SPNS1: variants seen among roughly 807,000 people sequenced by gnomAD.
The protein encoded by SPNS1 is protein spinster homolog 1.
A neutral mutation model predicts 50.3 loss-of-function variants in SPNS1; 22 were observed. The ratio of observed to expected loss-of-function variants is 0.44; its 90% CI spans 0.31 to 0.62. SPNS1 has a LOEUF of 0.62. Ranked by LOEUF, SPNS1 falls within the 20% of genes least tolerant of loss-of-function variation. The pLI is 0.07. For synonymous variants in SPNS1, 295 were observed against 317.4 expected (o/e 0.93, Z 0.75); for missense variants, 576 against 728.6 (o/e 0.79, Z 2.41).
intron 3 of SPNS1, 75 bp downstream of exon 3, chr16:28,978,119 A>G: frequency 6.4e-7 from 1 of 1,555,416 alleles, no homozygotes; most frequent in Non-Finnish European, 8.7e-7. Flanking sequence ...CCTTGGAGCT[A>G]TGGCAGACTG....
intron 2 of SPNS1, among the ~76,000 whole-genome samples, 166 bp from the exon 3 acceptor site, chr16:28,977,742 C>A (rs914339022): frequency 6.6e-6 from 1 of 152,138 alleles, no homozygotes; most frequent in Admixed American, 6.5e-5. Flanking sequence ...GGAGCTGGAC[C>A]ATCCGCCTGA....
At chr16:28,978,186 C>T in intron 3 of SPNS1, 142 bp downstream of exon 3, 2 of 1,101,230 alleles carry the variant, frequency 1.8e-6, no homozygotes, top group Non-Finnish European at 2.6e-6. Context: ...CCCTCCTTGC[C>T]TGAGTTAACC....
Position 28,983,400 on chromosome 16 carries a change from C to T in SPNS1, c.1320+110C>T. 4 of 850,128 alleles carry T rather than the reference C, an allele frequency of 4.7e-6. No individual in the cohort carries two copies. Among genetic ancestry groups the T allele is most frequent in the Non-Finnish European group, 7.8e-6 (4 of 511,752 alleles). The allele number at this position is 850,128 out of a possible 1,614,324, so 52.7% of individuals were successfully genotyped here. On this transcript the variant is annotated intron_variant, in intron 10 of 11. Coordinates refer to ENST00000311008, the MANE Select transcript of SPNS1 (RefSeq NM_032038.3). The surrounding 1 kb of genome is among the most constrained non-coding windows in gnomAD (Gnocchi z 5.4). ...TGTGTCCTGCGTGCTGGGCACTTCT[C>T]ACCTTCCATTGTCAACTGGAGGAGA... is the stretch of plus-strand genomic sequence containing the variant.
Position 28,975,505 on chromosome 16 carries a change from C to G in SPNS1, c.255C>G (p.Asp85Glu). Residue 85 changes from aspartate to glutamate, a missense_variant, in exon 2 of 12, where the codon GAC becomes GAG. Asp to Glu is a conservative substitution (Grantham distance 45). Around this residue, in one of 3 missense-constraint regions of SPNS1, gnomAD observed 144 missense variants for 181.2 expected, o/e 0.79. Transcript: ENST00000311008. ...TTTTCTCCTCAGGCGTCCTTCCCGA[C>G]ATCGAGCAGTTCTTCAACATCGGGG... is the stretch of plus-strand genomic sequence containing the variant. Reference protein sequence around the residue: ...DRFTVAGVLPDIEQFFNIGDS... With the variant: ...DRFTVAGVLPEIEQFFNIGDS... The G allele has an allele frequency of 6.2e-7, 1 of 1,614,276 alleles. No individual in the cohort carries two copies. The highest frequency in any genetic ancestry group is 2.2e-5 in the East Asian group (1 of 44,888).
In SPNS1 at chr16:28,984,476, A is replaced by C. The variant is rs773502111; in HGVS notation, c.*177A>C. On this transcript the variant is annotated 3_prime_UTR_variant, in exon 12 of 12. Transcript: ENST00000311008. ...GAGGAGGTGGGGGTCCAGGAGGGGG[A>C]TCCCTCTCCACAGGGGCAGCCCCAA... 8.6e-5 allele frequency: 62 copies of C among 725,108 alleles called. No individual in the cohort carries two copies. The highest frequency in any genetic ancestry group is 1.3e-4 in the Non-Finnish European group (55 of 408,260). 44.9% of individuals were successfully genotyped at this position (725,108 alleles called of 1,614,324 possible).
chr16:28,982,116 C>G, intron 7 of SPNS1, 60 bp downstream of exon 7: 1 of 1,578,456 alleles, frequency 6.3e-7, no homozygotes, highest in Non-Finnish European at 8.6e-7. Flanking sequence ...TGAAGAGCAT[C>G]TGTGGCTCAG....
Position 28,979,150 on chromosome 16 carries a change from C to G in SPNS1, c.445-5C>G, listed in dbSNP as rs769849261. 1 of 1,613,232 alleles carries G rather than the reference C, an allele frequency of 6.2e-7. No homozygotes were observed. Among genetic ancestry groups the G allele is most frequent in the Admixed American group, 1.7e-5 (1 of 59,996 alleles). On this transcript the variant is annotated splice_polypyrimidine_tract_variant and splice_region_variant and intron_variant, in intron 3 of 11. Coordinates refer to ENST00000311008, the MANE Select transcript of SPNS1 (RefSeq NM_032038.3). ...GTGCCACCTCTCCCCGGTCTCTCTC[C>G]CCAGCATTTCTGGCTGCTCCTCCTG...
Position 28,978,763 on chromosome 16 carries a change from G to A in SPNS1, c.445-392G>A, listed in dbSNP as rs116364234. ...GTACTTTCCTTGGGTGACTGTACCCGTCCTTAGCTTCAGGTGCCTTTGGTA... is the reference window on the plus strand; with the variant it reads ...GTACTTTCCTTGGGTGACTGTACCCATCCTTAGCTTCAGGTGCCTTTGGTA... On this transcript the variant is annotated intron_variant, in intron 3 of 11. Transcript: ENST00000311008. The A allele has an allele frequency of 8.8e-3, 1,720 of 195,056 alleles. 36 individuals are homozygous for A. Among genetic ancestry groups the A allele is most frequent in the African/African-American group, 0.039 (1,628 of 41,986 alleles). 12.1% of individuals were successfully genotyped at this position (195,056 alleles called of 1,614,324 possible).
At position 28,983,950 on chromosome 16, in the gene SPNS1, C is replaced by T. The variant is rs150322036; in HGVS notation, c.1485C>T (p.His495=). ...CCGACCGCCGGCGGGCACAGCTGCA[C>T]GTGCAGGGTCAGTTAGGAGCTGTGC... ...IEADRRRAQL[H]VQGLLHEAGS... The change falls in exon 11 of 12, where the codon CAC becomes CAT. Residue 495 remains histidine, a synonymous_variant. Coordinates refer to ENST00000311008, the MANE Select transcript of SPNS1 (RefSeq NM_032038.3). This position sits in a 1 kb window ranked among gnomAD's most constrained non-coding sequence, Gnocchi z 5.4. 2.4e-4 allele frequency: 383 copies of T among 1,581,738 alleles called. No individual in the cohort carries two copies. Among genetic ancestry groups the T allele is most frequent in the African/African-American group, 5.5e-4 (41 of 74,300 alleles).
intron 2 of SPNS1, among the ~76,000 whole-genome samples, chr16:28,976,519 T>C (rs1965349955): frequency 6.6e-6 from 1 of 152,198 alleles, no homozygotes; most frequent in Non-Finnish European, 1.5e-5. Context: ...CTAATCCTTC[T>C]ATCAGTCAAA....
chr16:28,982,613 C>A (rs1965593773), intron 8 of SPNS1, 68 bp downstream of exon 8: 1 of 1,496,712 alleles, frequency 6.7e-7, no homozygotes. Flanking sequence ...AGCGTAATGG[C>A]CACTCGAGGT....
Position 28,975,022 on chromosome 16 carries a change from G to C in SPNS1, c.-130G>C. On this transcript the variant is annotated 5_prime_UTR_variant, in exon 1 of 12. Transcript: ENST00000311008. ...TCTCAGTGGTGCTCTGTGCTTCAGG[G>C]CAAGCTCCCCGTCTCCGGGCGCACT... 7.0e-7 allele frequency: 1 copy of C among 1,432,132 alleles called. No homozygotes were observed. The highest frequency in any genetic ancestry group is 9.1e-7 in the Non-Finnish European group (1 of 1,096,884). The allele number at this position is 1,432,132 out of a possible 1,614,324, so 88.7% of individuals were successfully genotyped here.
chr16:28,977,495 T>C (rs10451190), intron 2 of SPNS1, among the ~76,000 whole-genome samples: 2,552 of 152,060 alleles, frequency 0.017, 84 homozygotes, highest in African/African-American at 0.058. Context: ...GAGGAGGCAG[T>C]AGGTGCCTAA....
rs1477039233 is a variant in SPNS1 at position 28,982,472 on chromosome 16, C to G, written c.1082C>G (p.Thr361Ser). ...NPRADPLVCATGLLGSAPFLF... is the reference protein window; with the variant it reads ...NPRADPLVCASGLLGSAPFLF... Reference sequence around the variant, plus strand: ...CGGGCTGATCCCCTGGTCTGTGCCACTGGCCTCCTGGGCTCTGCACCCTTC... The same window carrying G: ...CGGGCTGATCCCCTGGTCTGTGCCAGTGGCCTCCTGGGCTCTGCACCCTTC... Residue 361 changes from threonine to serine, a missense_variant, in exon 8 of 12, where the codon ACT becomes AGT. Physicochemically the swap from Thr to Ser is moderately conservative, Grantham distance 58. Coordinates refer to ENST00000311008, the MANE Select transcript of SPNS1 (RefSeq NM_032038.3). The G allele has an allele frequency of 4.3e-6, 7 of 1,613,788 alleles. No individual in the cohort carries two copies. The highest frequency in any genetic ancestry group is 5.9e-6 in the Non-Finnish European group (7 of 1,179,972).
At chr16:28,979,836 A>G in intron 5 of SPNS1, 1 of 241,018 alleles carries the variant, frequency 4.1e-6, no homozygotes, top group Non-Finnish European at 8.4e-6. Context: ...CAGCCTGGCC[A>G]ACATGGTGAA....
rs1307046426 is a variant in SPNS1 at position 28,983,718 on chromosome 16, G to A, written c.1321-68G>A. On this transcript the variant is annotated intron_variant, in intron 10 of 11. Coordinates refer to ENST00000311008, the MANE Select transcript of SPNS1 (RefSeq NM_032038.3). The surrounding 1 kb of genome is among the most constrained non-coding windows in gnomAD (Gnocchi z 5.4). ...CACTTGTCTTTCTCCCTGGAGCTCA[G>A]GGGCGTGCCCTCCCTGGTTCATCCA... 2 of 1,492,576 alleles carry A rather than the reference G, an allele frequency of 1.3e-6. No individual in the cohort carries two copies. The highest frequency in any genetic ancestry group is 1.8e-6 in the Non-Finnish European group (2 of 1,121,258). 92.5% of individuals were successfully genotyped at this position (1,492,576 alleles called of 1,614,324 possible).
downstream of SPNS1, chr16:28,984,753 T>C: frequency 1.0e-6 from 1 of 1,004,924 alleles, no homozygotes; most frequent in South Asian, 1.4e-5. Flanking sequence ...CCCTGGAGCC[T>C]GTCCCTTGCC....
At chr16:28,979,698 C>A in intron 5 of SPNS1, 2 of 544,762 alleles carry the variant, frequency 3.7e-6, no homozygotes, top group African/African-American at 1.9e-5. Context: ...CTATAGGTGC[C>A]CGCCACCATG....
In SPNS1 at chr16:28,983,083, G is replaced by C; in HGVS notation, c.1222-109G>C. The C allele has an allele frequency of 1.7e-6, 2 of 1,210,092 alleles. No homozygotes were observed. The highest frequency in any genetic ancestry group is 2.4e-6 in the Non-Finnish European group (2 of 832,884). The allele number at this position is 1,210,092 out of a possible 1,614,324, so 75.0% of individuals were successfully genotyped here. A position where few individuals can be genotyped will look rare whatever the true frequency, so the allele number is the denominator to read the frequency against. On this transcript the variant is annotated intron_variant, in intron 9 of 11. Transcript: ENST00000311008. The surrounding 1 kb of genome is among the most constrained non-coding windows in gnomAD (Gnocchi z 5.4). ...GGCCTGCCCTGCGACCTCAACCCCA[G>C]GCACACCTCTGACCCCGGCCTAGGC...
Sources: allele counts gnomAD v4.1 joint callset (sites outside exome capture counted in the v4.1 genomes callset), GRCh38; gene constraint gnomAD v4.1.1; regional missense constraint gnomAD v4.1.1; non-coding constraint Gnocchi (gnomAD v3.1); transcripts MANE v1.5; gene names NCBI Gene and HGNC (gene_info 2026-07-23, HGNC 2026-07-21).